The following ARHGEF37 variants were observed in gnomAD, a reference collection of about 807,000 sequenced individuals.
ARHGEF37 encodes Rho guanine nucleotide exchange factor (GEF) 37.
Under a neutral mutation model 71.1 loss-of-function variants are expected in ARHGEF37, and 55 were observed. The ratio of observed to expected loss-of-function variants is 0.77; its 90% CI spans 0.62 to 0.97. ARHGEF37 has a LOEUF of 0.97. ARHGEF37 is among the 50% of genes least tolerant of loss of function. ARHGEF37 has a pLI of 0.00. For missense variants in ARHGEF37, 765 were observed against 836.8 expected (o/e 0.91, Z 1.06); for synonymous variants, 327 against 350.6 (o/e 0.93, Z 0.75).
At chr5:149,616,896 A>AAGCTTTAGGTAGGGTTCG in intron 5 of ARHGEF37, 130 bp downstream of exon 5, 2 of 961,768 alleles carry the variant, frequency 2.1e-6, no homozygotes, top group Non-Finnish European at 3.0e-6. Context: ...GAGGTAATGC[A>AAGCTTTAGGTAGGGTTCG]AGCTTTAGGT....
chr5:149,631,077 A>G (rs1242920088), intron 12 of ARHGEF37, among the ~76,000 whole-genome samples: 1 of 151,940 alleles, frequency 6.6e-6, no homozygotes, highest in Non-Finnish European at 1.5e-5. Flanking sequence ...AGCCTAATAC[A>G]TGCCCTCCTT....
At chr5:149,566,082 G>A (rs1344570437) in intron 1 of ARHGEF37, among the ~76,000 whole-genome samples, 4 of 151,372 alleles carry the variant, frequency 2.6e-5, no homozygotes, top group African/African-American at 7.2e-5. Flanking sequence ...CTGACCTCAG[G>A]TGATCCACCC....
chr5:149,616,596 T>G lies in ARHGEF37; in HGVS notation c.488T>G (p.Phe163Cys), dbSNP rs752160787. 4 of 1,611,058 alleles carry G rather than the reference T, an allele frequency of 2.5e-6. No homozygotes were observed. Among genetic ancestry groups the G allele is most frequent in the Non-Finnish European group, 3.4e-6 (4 of 1,178,746 alleles). Residue 163 changes from phenylalanine (F) to cysteine (C), a missense_variant, in exon 5 of 13, where the codon TTC becomes TGC. Coordinates refer to ENST00000333677, the MANE Select transcript of ARHGEF37 (RefSeq NM_001001669.3). ...VPQAGSSGLS[F>C]LLVIPLQRIT... Reference sequence around the variant, plus strand: ...CAAGCTGGATCTTCAGGCCTCAGTTTCTTGCTGGTAATTCCTCTGCAGAGG... The same window carrying G: ...CAAGCTGGATCTTCAGGCCTCAGTTGCTTGCTGGTAATTCCTCTGCAGAGG...
In ARHGEF37 at chr5:149,634,957, C is replaced by T. The variant is rs958364662; in HGVS notation, c.*2766C>T. The stretch of plus-strand genomic sequence containing the variant: ...GTGAACTGCTGGGAATAAAGGACTT[C>T]AAAGATGGAAAGTCTCTGGAATTTG... On this transcript the variant is annotated 3_prime_UTR_variant, in exon 13 of 13. Coordinates refer to ENST00000333677, the MANE Select transcript of ARHGEF37 (RefSeq NM_001001669.3). 11 of 152,272 alleles carry T rather than the reference C, an allele frequency of 7.2e-5. No individual in the cohort carries two copies. The highest frequency in any genetic ancestry group is 2.6e-4 in the African/African-American group (11 of 41,544). The allele number at this position is 152,272 out of a possible 1,614,324, so 9.4% of individuals were successfully genotyped here. A position where few individuals can be genotyped will look rare whatever the true frequency, so the allele number is the denominator to read the frequency against.
At chr5:149,624,818 C>T (rs891136249) in intron 10 of ARHGEF37, among the ~76,000 whole-genome samples, 7 of 151,762 alleles carry the variant, frequency 4.6e-5, no homozygotes, top group African/African-American at 9.7e-5. Flanking sequence ...AATTTCCTAT[C>T]GCTGTGGTAT....
intron 1 of ARHGEF37, among the ~76,000 whole-genome samples, chr5:149,589,385 T>C (rs1763332596): frequency 6.6e-6 from 1 of 152,126 alleles, no homozygotes; most frequent in African/African-American, 2.4e-5. Context: ...TGGAGTGCAG[T>C]GGCATGATCA....
chr5:149,625,178 T>A (rs1035451134), intron 10 of ARHGEF37, among the ~76,000 whole-genome samples: 16 of 152,176 alleles, frequency 1.1e-4, no homozygotes, highest in Non-Finnish European at 2.4e-4. Flanking sequence ...GTGTTGGAAT[T>A]ACAGGCGTGA....
chr5:149,565,826 C>CT (rs1344770685), intron 1 of ARHGEF37, among the ~76,000 whole-genome samples: 1 of 80,208 alleles, frequency 1.2e-5, no homozygotes, highest in Non-Finnish European at 2.8e-5. Context: ...GTCAGAAACT[C>CT]TAATTTTTTT....
intron 6 of ARHGEF37, among the ~76,000 whole-genome samples, chr5:149,618,512 C>T (rs1016041195): frequency 1.3e-5 from 2 of 152,230 alleles, no homozygotes; most frequent in Non-Finnish European, 2.9e-5. Context: ...GGGCCACTCT[C>T]TTTGGGGCCT....
At chr5:149,597,717 G>T (rs1763586311) in intron 1 of ARHGEF37, 42 bp from the exon 2 acceptor site, 4 of 1,482,408 alleles carry the variant, frequency 2.7e-6, no homozygotes, top group Non-Finnish European at 3.6e-6. Context: ...TGTCCCAATA[G>T]TTCTTCCTGG....
intron 1 of ARHGEF37, among the ~76,000 whole-genome samples, chr5:149,595,865 T>G (rs1303586991): frequency 6.6e-6 from 1 of 152,172 alleles, no homozygotes; most frequent in Non-Finnish European, 1.5e-5. Flanking sequence ...CGAATTTATG[T>G]TATGAAGGAG....
At chr5:149,602,513 G>T (rs866734239) in intron 3 of ARHGEF37, among the ~76,000 whole-genome samples, 2 of 151,376 alleles carry the variant, frequency 1.3e-5, no homozygotes, top group African/African-American at 2.4e-5. Context: ...TTTGAGACGG[G>T]ATCTCACTCT....
In ARHGEF37 at chr5:149,616,753, G is replaced by A. The variant is rs774206558; in HGVS notation, c.645G>A (p.Met215Ile). ...DVNTNINEYK[M>I]RKEVASKYTK... The stretch of plus-strand genomic sequence containing the variant: ...ACACCAATATCAATGAGTACAAGAT[G>A]CGCAAGGAAGTGGGTAAGGACTTGG... Residue 215 changes from methionine to isoleucine, a missense_variant, in exon 5 of 13, where the codon ATG becomes ATA. Physicochemically the swap from Met to Ile is conservative, Grantham distance 10. This residue lies in a region of ARHGEF37 where 167 missense variants were observed against 173.3 expected (regional missense o/e 0.96). Coordinates refer to ENST00000333677, the MANE Select transcript of ARHGEF37 (RefSeq NM_001001669.3). 6.2e-7 allele frequency: 1 copy of A among 1,603,122 alleles called. No individual in the cohort carries two copies. Among genetic ancestry groups the A allele is most frequent in the Non-Finnish European group, 8.5e-7 (1 of 1,171,128 alleles).
chr5:149,603,501 A>G (rs1457538137), intron 3 of ARHGEF37, among the ~76,000 whole-genome samples: 1 of 152,194 alleles, frequency 6.6e-6, no homozygotes, highest in Non-Finnish European at 1.5e-5. Flanking sequence ...TTGCTTCTGC[A>G]TGGTAGAAGG....
In ARHGEF37 at chr5:149,616,775, T is replaced by G; in HGVS notation, c.658+9T>G. The G allele has an allele frequency of 6.3e-7, 1 of 1,584,924 alleles. No homozygotes were observed. The stretch of plus-strand genomic sequence containing the variant: ...GATGCGCAAGGAAGTGGGTAAGGAC[T>G]TGGGCATTTAAGGGGACACATTAGT... On this transcript the variant is annotated intron_variant, in intron 5 of 12. Coordinates refer to ENST00000333677, the MANE Select transcript of ARHGEF37 (RefSeq NM_001001669.3).
At chr5:149,621,651 T>C in intron 8 of ARHGEF37, 82 bp from the exon 9 acceptor site, 3 of 1,314,454 alleles carry the variant, frequency 2.3e-6, no homozygotes, top group Non-Finnish European at 3.2e-6. Context: ...AATCCAGGCC[T>C]GCATGCTTCC....
In ARHGEF37 at chr5:149,618,274, C is replaced by A. The variant is rs762895130; in HGVS notation, c.757C>A (p.Leu253Met). ...LSKKTTRLSQLLKQEAGLIPR... is the reference protein window; with the variant it reads ...LSKKTTRLSQMLKQEAGLIPR... Reference sequence around the variant, plus strand: ...CAAGAAGACCACCCGGCTGAGCCAGCTGCTGAAGCAGGAGGCGGGGCTGAT... The same window carrying A: ...CAAGAAGACCACCCGGCTGAGCCAGATGCTGAAGCAGGAGGCGGGGCTGAT... Residue 253 changes from leucine (L) to methionine (M), a missense_variant, in exon 6 of 13, where the codon CTG becomes ATG. By Grantham distance (15) the Leu-to-Met change is conservative. Transcript: ENST00000333677. 3.1e-6 allele frequency: 5 copies of A among 1,614,110 alleles called. No individual in the cohort carries two copies. The highest frequency in any genetic ancestry group is 4.2e-6 in the Non-Finnish European group (5 of 1,180,040).
In ARHGEF37 at chr5:149,618,942, A is replaced by C; in HGVS notation, c.794A>C (p.Glu265Ala). 6.2e-7 allele frequency: 1 copy of C among 1,613,460 alleles called. No individual in the cohort carries two copies. The highest frequency in any genetic ancestry group is 1.3e-5 in the African/African-American group (1 of 75,046). ...CCTCACACACATTACTTTCAGACAGAAGACAAGGAATTTGATGATTTAGAA... is the reference window on the plus strand; with the variant it reads ...CCTCACACACATTACTTTCAGACAGCAGACAAGGAATTTGATGATTTAGAA... ...KQEAGLIPRT[E>A]DKEFDDLEER... Residue 265 changes from glutamate (E) to alanine (A), a missense_variant, in exon 7 of 13, where the codon GAA becomes GCA. This residue lies in a region of ARHGEF37 where 167 missense variants were observed against 173.3 expected (regional missense o/e 0.96). Coordinates refer to ENST00000333677, the MANE Select transcript of ARHGEF37 (RefSeq NM_001001669.3).
At position 149,621,723 on chromosome 5, in the gene ARHGEF37, C is replaced by T; in HGVS notation, c.1006-10C>T. 1.2e-6 allele frequency: 2 copies of T among 1,604,884 alleles called. No individual in the cohort carries two copies. Among genetic ancestry groups the T allele is most frequent in the Non-Finnish European group, 1.7e-6 (2 of 1,174,490 alleles). ...CCTTTCCCGACTCCCACGCTCATGTCTCCCCACAGAAGCAACGGCTAGAAG... is the reference window on the plus strand; with the variant it reads ...CCTTTCCCGACTCCCACGCTCATGTTTCCCCACAGAAGCAACGGCTAGAAG... On this transcript the variant is annotated splice_polypyrimidine_tract_variant and intron_variant, in intron 8 of 12. Coordinates refer to ENST00000333677, the MANE Select transcript of ARHGEF37 (RefSeq NM_001001669.3).
Sources: allele counts gnomAD v4.1 joint callset (sites outside exome capture counted in the v4.1 genomes callset), GRCh38; gene constraint gnomAD v4.1.1; regional missense constraint gnomAD v4.1.1; transcripts MANE v1.5; gene names NCBI Gene and HGNC (gene_info 2026-07-23, HGNC 2026-07-21).